TP53I13: variants seen among roughly 807,000 people sequenced by gnomAD.
The protein encoded by TP53I13 is tumor protein p53-inducible protein 13.
Under a neutral mutation model 39.1 loss-of-function variants are expected in TP53I13, and 27 were observed. The observed-to-expected ratio is 0.69, with a 90% confidence interval of 0.51 to 0.95. TP53I13 has a LOEUF of 0.95. TP53I13 is among the 40% of genes least tolerant of loss of function. TP53I13 has a pLI of 0.00. For missense variants in TP53I13, 544 were observed against 520.4 expected, an observed-to-expected ratio of 1.05 and a Z score of -0.44; for synonymous variants, 230 against 224.6, an observed-to-expected ratio of 1.02 and a Z score of -0.22.
chr17:29,572,099 CTG>C (rs1264471784), intron 5 of TP53I13, 41 bp from the exon 6 acceptor site: 1 of 1,611,514 alleles, frequency 6.2e-7, no homozygotes, highest in Non-Finnish European at 8.5e-7. Flanking sequence ...CTCGGGTTCT[CTG>C]AGAGGGGCAG....
chr17:29,569,446 C>T (rs528323234), intron 3 of TP53I13, 87 bp downstream of exon 3: 2 of 1,338,286 alleles, frequency 1.5e-6, no homozygotes, highest in Admixed American at 2.0e-5. Context: ...TTCTGCTGAT[C>T]GGCCCCATTC....
rs760791812 is a variant in TP53I13 at position 29,572,629 on chromosome 17, A to C, written c.1001A>C (p.His334Pro). 6.3e-7 allele frequency: 1 copy of C among 1,590,176 alleles called. No individual in the cohort carries two copies. Among genetic ancestry groups the C allele is most frequent in the Non-Finnish European group, 8.6e-7 (1 of 1,169,162 alleles). Residue 334 changes from histidine (H) to proline (P), a missense_variant, in exon 6 of 7, where the codon CAC (histidine) becomes CCC (proline). Coordinates refer to ENST00000301057, the MANE Select transcript of TP53I13 (RefSeq NM_138349.4). ...CTGGCCACGCTCTGCACACGGCTGC[A>C]CAGAAACTTCCGACGCGGGGAGAGC... ...LTLATLCTRL[H>P]RNFRRGESIY...
chr17:29,574,610 G>A, downstream of TP53I13: 1 of 1,075,510 alleles, frequency 9.3e-7, no homozygotes, highest in Non-Finnish European at 1.4e-6. Flanking sequence ...TTGTGCCAGT[G>A]GCTCTGTTGG....
At chr17:29,576,934 C>T (rs766828202), downstream of TP53I13, 7 of 1,591,846 alleles carry the variant, frequency 4.4e-6, no homozygotes, top group Non-Finnish European at 5.1e-6. Flanking sequence ...TCAGAGGCCA[C>T]GCTGTCGTAG....
Position 29,572,816 on chromosome 17 carries a change from G to T in TP53I13, c.1074G>T (p.Val358=). Residue 358 remains valine (V), a synonymous_variant, in exon 7 of 7, where the codon GTG becomes GTT. Transcript: ENST00000301057. The part of the protein sequence containing the change: ...TADSQDTVAA[V]LKRRLLQPSR... Reference sequence around the variant, plus strand: ...TGCTCGGCGCCCGGCCCACAGCTGTGCTGAAGCGGAGGCTGCTGCAGCCCT... The same window carrying T: ...TGCTCGGCGCCCGGCCCACAGCTGTTCTGAAGCGGAGGCTGCTGCAGCCCT... 6.5e-7 allele frequency: 1 copy of T among 1,532,694 alleles called. No homozygotes were observed. Among genetic ancestry groups the T allele is most frequent in the Admixed American group, 2.0e-5 (1 of 50,626 alleles). The allele number at this position is 1,532,694 out of a possible 1,614,324, so 94.9% of individuals were successfully genotyped here.
the TP53I13 span, chr17:29,581,161 C>A: frequency 1.6e-6 from 1 of 625,710 alleles, no homozygotes; most frequent in East Asian, 2.7e-5. The surrounding 1 kb of genome is among the most constrained non-coding windows in gnomAD (Gnocchi z 4.8). Context: ...ATGGAGCTGA[C>A]ATTTTTTACC....
At chr17:29,566,620 A>C, upstream of TP53I13, 4 of 1,608,272 alleles carry the variant, frequency 2.5e-6, no homozygotes, top group Non-Finnish European at 3.4e-6. Flanking sequence ...CCCAGGCGCT[A>C]CGGGCAGGAC....
At chr17:29,572,087 C>T (rs762112079) in intron 5 of TP53I13, 30 bp downstream of exon 5, 2 of 1,611,814 alleles carry the variant, frequency 1.2e-6, no homozygotes, top group South Asian at 1.1e-5. Context: ...GGCTTGTTGG[C>T]CCTCGGGTTC....
At chr17:29,571,828 G>A (rs755655201) in intron 4 of TP53I13, 29 bp from the exon 5 acceptor site, 20 of 1,612,758 alleles carry the variant, frequency 1.2e-5, no homozygotes, top group Admixed American at 6.7e-5. Context: ...CACCTTCCTC[G>A]TAGCTCTAAC....
chr17:29,571,714 G>A lies in TP53I13; in HGVS notation c.307G>A (p.Asp103Asn). Residue 103 changes from aspartate to asparagine, a missense_variant, in exon 4 of 7, where the codon GAT (aspartate) becomes AAT (asparagine). Coordinates refer to ENST00000301057, the MANE Select transcript of TP53I13 (RefSeq NM_138349.4). ...CACCCCTGACTTCAGCCTCACGCAG[G>A]ATCGGGTATGTAGCTGATGAAAGGC... ...SLTPDFSLTQ[D>N]RPLVLTAWGL... 2 of 1,614,088 alleles carry A rather than the reference G, an allele frequency of 1.2e-6. No individual in the cohort carries two copies. The highest frequency in any genetic ancestry group is 1.7e-6 in the Non-Finnish European group (2 of 1,180,012).
the TP53I13 span, chr17:29,581,394 A>G: frequency 6.8e-6 from 11 of 1,609,642 alleles, no homozygotes; most frequent in Admixed American, 1.7e-5. This position sits in a 1 kb window ranked among gnomAD's most constrained non-coding sequence, Gnocchi z 4.8. Context: ...AACAAAAATA[A>G]AAATGCCAAG....
At position 29,572,494 on chromosome 17, in the gene TP53I13, C is replaced by G. The variant is rs768099091; in HGVS notation, c.866C>G (p.Pro289Arg). 2.5e-6 allele frequency: 4 copies of G among 1,602,114 alleles called. No homozygotes were observed. In the South Asian group the frequency reaches 3.3e-5, roughly 13 times the overall value. ...TGTGTCTGTTCAAGTCAGGCTTCCC[C>G]GGCCCCTCGCGCAGCAGCGCCTCCA... The part of the protein sequence containing the change: ...GGCVCSSQAS[P>R]APRAAAPPRA... Residue 289 changes from proline to arginine, a missense_variant, in exon 6 of 7, where the codon CCG becomes CGG. Coordinates refer to ENST00000301057, the MANE Select transcript of TP53I13 (RefSeq NM_138349.4).
the TP53I13 span, chr17:29,581,230 G>A: frequency 1.3e-6 from 1 of 797,464 alleles, no homozygotes; most frequent in Non-Finnish European, 2.2e-6. This position sits in a 1 kb window ranked among gnomAD's most constrained non-coding sequence, Gnocchi z 4.8. Flanking sequence ...TCTCTGGGGG[G>A]AGGGAGCAGG....
intron 6 of TP53I13, 35 bp from the exon 7 acceptor site, chr17:29,572,777 C>T: frequency 1.3e-6 from 2 of 1,525,728 alleles, no homozygotes; most frequent in South Asian, 1.2e-5. Context: ...CTTCCCTGCC[C>T]TCCCGCCCTT....
At chr17:29,566,425 G>T, upstream of TP53I13, 1 of 1,612,254 alleles carries the variant, frequency 6.2e-7, no homozygotes. Flanking sequence ...GCGCTCCAGG[G>T]CGAGCAAGCA....
chr17:29,568,701 G>T lies in TP53I13; in HGVS notation c.-58G>T. The T allele has an allele frequency of 6.8e-6, 8 of 1,171,766 alleles. No homozygotes were observed. The highest frequency in any genetic ancestry group is 7.4e-6 in the Non-Finnish European group (7 of 941,232). The allele number at this position is 1,171,766 out of a possible 1,614,324, so 72.6% of individuals were successfully genotyped here. ...CGCTGGGGCTGGAGGGGCGGGGCGC[G>T]CGCGCTCCCTCGCTGGCGGAGCGGC... On this transcript the variant is annotated 5_prime_UTR_variant, in exon 1 of 7. Transcript: ENST00000301057. The surrounding 1 kb of genome is among the most constrained non-coding windows in gnomAD (Gnocchi z 4.5).
In TP53I13 at chr17:29,568,714, C is replaced by G. The variant is rs1175936557; in HGVS notation, c.-45C>G. The G allele has an allele frequency of 6.8e-6, 9 of 1,322,744 alleles. No homozygotes were observed. The highest frequency in any genetic ancestry group is 1.6e-5 in the African/African-American group (1 of 63,944). The allele number at this position is 1,322,744 out of a possible 1,614,324, so 81.9% of individuals were successfully genotyped here. ...GGGGCGGGGCGCGCGCGCTCCCTCG[C>G]TGGCGGAGCGGCTGGGCGGCGGGCC... On this transcript the variant is annotated 5_prime_UTR_variant, in exon 1 of 7. Transcript: ENST00000301057. The surrounding 1 kb of genome is among the most constrained non-coding windows in gnomAD (Gnocchi z 4.5).
At chr17:29,582,043 T>C in the TP53I13 span, 9 of 1,611,308 alleles carry the variant, frequency 5.6e-6, no homozygotes, top group African/African-American at 1.2e-4. Context: ...CGTGCAGAGG[T>C]GTGGTGCCCT....
At chr17:29,579,648 G>A in the TP53I13 span, among the ~76,000 whole-genome samples, 20 of 151,950 alleles carry the variant, frequency 1.3e-4, no homozygotes, top group African/African-American at 4.6e-4. Flanking sequence ...ATGGTAGGAG[G>A]ATCGTTTGAG....
Sources: gnomAD v4.1 joint callset for allele counts (sites outside exome capture counted in the v4.1 genomes callset) on GRCh38, gnomAD v4.1.1 for gene constraint, Gnocchi (gnomAD v3.1) non-coding constraint, MANE v1.5 for transcripts, NCBI Gene and HGNC (gene_info 2026-07-23, HGNC 2026-07-21) for gene names.